The following DCAF11 variants were observed in gnomAD, a reference collection of about 807,000 sequenced individuals.
DCAF11 encodes the protein DDB1 and CUL4 associated factor 11.
A neutral mutation model predicts 76.1 loss-of-function variants in DCAF11; 44 were observed. The ratio of observed to expected loss-of-function variants is 0.58; its 90% CI spans 0.45 to 0.74. The LOEUF (loss-of-function observed/expected upper bound fraction) is 0.74, where lower values mean the gene tolerates loss of function less well. DCAF11 is among the 30% of genes least tolerant of loss of function. The probability of loss-of-function intolerance (pLI) is 0.00; values close to 1 mark genes in which losing one functional copy is unlikely to be tolerated. For missense variants in DCAF11, 604 were observed against 709.4 expected, an observed-to-expected ratio of 0.85 and a Z score of 1.69; for synonymous variants, 258 against 255.0, an observed-to-expected ratio of 1.01 and a Z score of -0.11.
intron 10 of DCAF11, 37 bp from the exon 11 acceptor site, chr14:24,119,674 G>C: frequency 2.5e-6 from 4 of 1,614,156 alleles, no homozygotes; most frequent in African/African-American, 2.7e-5. Context: ...ATAAGACCTA[G>C]AAAGAGGTCT....
In DCAF11 at chr14:24,122,899, A is replaced by G. The variant is rs971138098; in HGVS notation, c.1400-72A>G. 18 of 1,379,586 alleles carry G rather than the reference A, an allele frequency of 1.3e-5. 1 individual carries two copies. The Admixed American group carries it at 2.6e-4, about 20-fold the overall frequency. 85.5% of individuals were successfully genotyped at this position (1,379,586 alleles called of 1,614,324 possible). ...GCCTGAGAGGCAGGTCAGTGGTGCT[A>G]CTCATGGGGAGGTGAGGGATAGTTT... is the stretch of plus-strand genomic sequence containing the variant. On this transcript the variant is annotated intron_variant, in intron 13 of 14. Coordinates refer to ENST00000446197, the MANE Select transcript of DCAF11 (RefSeq NM_025230.5).
chr14:24,117,746 T>C lies in DCAF11; in HGVS notation c.476+14T>C, dbSNP rs199702514. The C allele has an allele frequency of 1.2e-6, 2 of 1,612,980 alleles. No homozygotes were observed. Among genetic ancestry groups the C allele is most frequent in the East Asian group, 2.2e-5 (1 of 44,836 alleles). On this transcript the variant is annotated intron_variant, in intron 5 of 14. Coordinates refer to ENST00000446197, the MANE Select transcript of DCAF11 (RefSeq NM_025230.5). The surrounding 1 kb of genome is among the most constrained non-coding windows in gnomAD (Gnocchi z 4.3). ...AGTGATATCTCAGTGAGTATGGGGCTTGGTGAAGAGACTCTAAGGGCCAGA... is the reference window on the plus strand; with the variant it reads ...AGTGATATCTCAGTGAGTATGGGGCCTGGTGAAGAGACTCTAAGGGCCAGA...
At position 24,117,285 on chromosome 14, in the gene DCAF11, C is replaced by T; in HGVS notation, c.303C>T (p.Thr101=). 3 of 1,614,176 alleles carry T rather than the reference C, an allele frequency of 1.9e-6. No individual in the cohort carries two copies. The highest frequency in any genetic ancestry group is 2.5e-6 in the Non-Finnish European group (3 of 1,180,028). ...YNPPVDATPD[T]RELEFNEIKT... Reference sequence around the variant, plus strand: ...TCACAGTGGATGCTACCCCTGACACCCGGGAGCTGGAATTCAATGAGATCA... The same window carrying T: ...TCACAGTGGATGCTACCCCTGACACTCGGGAGCTGGAATTCAATGAGATCA... Residue 101 remains threonine, a synonymous_variant, in exon 4 of 15, where the codon ACC becomes ACT. Coordinates refer to ENST00000446197, the MANE Select transcript of DCAF11 (RefSeq NM_025230.5). This position sits in a 1 kb window ranked among gnomAD's most constrained non-coding sequence, Gnocchi z 4.3.
chr14:24,120,723 G>C, intron 11 of DCAF11, 115 bp from the exon 12 acceptor site: 2 of 1,298,498 alleles, frequency 1.5e-6, no homozygotes, highest in Non-Finnish European at 2.1e-6. Flanking sequence ...GATGAAGAGA[G>C]GCAAGTAAAG....
rs1188455820 is a variant in DCAF11 at position 24,117,038 on chromosome 14, C to G, written c.277C>G (p.Pro93Ala). Residue 93 changes from proline to alanine, a missense_variant, in exon 3 of 15, where the codon CCA (proline) becomes GCA (alanine). Pro to Ala is a conservative substitution (Grantham distance 27). Coordinates refer to ENST00000446197, the MANE Select transcript of DCAF11 (RefSeq NM_025230.5). This position sits in a 1 kb window ranked among gnomAD's most constrained non-coding sequence, Gnocchi z 4.3. ...TGGTCGTCTTGGGGATCGATACAACCCACCTGGTAAGAGGAAAAGCCCCTA... is the reference window on the plus strand; with the variant it reads ...TGGTCGTCTTGGGGATCGATACAACGCACCTGGTAAGAGGAAAAGCCCCTA... ...WDGRLGDRYN[P>A]PVDATPDTRE... 5 of 1,614,030 alleles carry G rather than the reference C, an allele frequency of 3.1e-6. No homozygotes were observed. Among genetic ancestry groups the G allele is most frequent in the Middle Eastern group, 1.6e-4 (1 of 6,084 alleles).
chr14:24,120,514 C>G (rs1034244855), intron 11 of DCAF11, among the ~76,000 whole-genome samples: 8 of 152,008 alleles, frequency 5.3e-5, no homozygotes, highest in Admixed American at 5.2e-4. Context: ...CCGAGATCAC[C>G]CCACTACACT....
In DCAF11 at chr14:24,117,330, C is replaced by T; in HGVS notation, c.348C>T (p.Ala116=). The change falls in exon 4 of 15, where the codon GCC becomes GCT. Residue 116 remains alanine (A), a synonymous_variant. Coordinates refer to ENST00000446197, the MANE Select transcript of DCAF11 (RefSeq NM_025230.5). The surrounding 1 kb of genome is among the most constrained non-coding windows in gnomAD (Gnocchi z 4.3). The stretch of plus-strand genomic sequence containing the variant: ...AGATCAAGACACAAGTGGAACTGGC[C>T]ACAGGGCAGCTGGGGCTTAGGCGGG... ...FNEIKTQVEL[A]TGQLGLRRAA... 1 of 1,614,226 alleles carries T rather than the reference C, an allele frequency of 6.2e-7. No homozygotes were observed. The highest frequency in any genetic ancestry group is 8.5e-7 in the Non-Finnish European group (1 of 1,180,036).
At chr14:24,115,968 A>G (rs538853116) in intron 2 of DCAF11, among the ~76,000 whole-genome samples, 1 of 150,808 alleles carries the variant, frequency 6.6e-6, no homozygotes, top group East Asian at 2.0e-4. Context: ...GGACCTGCTC[A>G]TGTGTTTGAG....
In DCAF11 at chr14:24,117,835, T is replaced by A; in HGVS notation, c.476+103T>A. On this transcript the variant is annotated intron_variant, in intron 5 of 14. Coordinates refer to ENST00000446197, the MANE Select transcript of DCAF11 (RefSeq NM_025230.5). This position sits in a 1 kb window ranked among gnomAD's most constrained non-coding sequence, Gnocchi z 4.3. ...AAGGAGCCTCAGAGATATTAAAGGTTAGGTTAAATGGGGTTGAAACTTTGA... is the reference window on the plus strand; with the variant it reads ...AAGGAGCCTCAGAGATATTAAAGGTAAGGTTAAATGGGGTTGAAACTTTGA... 7.9e-7 allele frequency: 1 copy of A among 1,260,096 alleles called. No homozygotes were observed. The highest frequency in any genetic ancestry group is 1.1e-6 in the Non-Finnish European group (1 of 894,376). The allele number at this position is 1,260,096 out of a possible 1,614,324, so 78.1% of individuals were successfully genotyped here.
intron 12 of DCAF11, 88 bp from the exon 13 acceptor site, chr14:24,121,277 G>A: frequency 6.5e-7 from 1 of 1,531,474 alleles, no homozygotes; most frequent in Non-Finnish European, 8.9e-7. Context: ...ATTTGTCTCT[G>A]GGCATCGAAC....
chr14:24,115,459 G>A lies in DCAF11; in HGVS notation c.-136G>A, dbSNP rs1269408509. 12 of 1,288,648 alleles carry A rather than the reference G, an allele frequency of 9.3e-6. No individual in the cohort carries two copies. Among genetic ancestry groups the A allele is most frequent in the African/African-American group, 1.5e-5 (1 of 66,870 alleles). The allele number at this position is 1,288,648 out of a possible 1,614,324, so 79.8% of individuals were successfully genotyped here. ...AAAAGGGATCTCAGCCCCGAGGAAG[G>A]GTCACCCTCCTAGAGATAGCTACTA... On this transcript the variant is annotated 5_prime_UTR_variant, in exon 2 of 15. Transcript: ENST00000446197.
chr14:24,122,236 C>G (rs1594340973), intron 13 of DCAF11: 1 of 151,588 alleles, frequency 6.6e-6, no homozygotes, highest in Middle Eastern at 3.4e-3. Context: ...GCGGGCAGAT[C>G]ACCTGATGTC....
intron 11 of DCAF11, 53 bp downstream of exon 11, chr14:24,119,949 A>G: frequency 6.6e-7 from 1 of 1,520,336 alleles, no homozygotes; most frequent in Non-Finnish European, 8.8e-7. Flanking sequence ...CTAGTTGCCC[A>G]GGAGGGCATG....
At chr14:24,118,709 C>T in intron 7 of DCAF11, 41 bp from the exon 8 acceptor site, 1 of 1,610,204 alleles carries the variant, frequency 6.2e-7, no homozygotes, top group Non-Finnish European at 8.5e-7. Flanking sequence ...ACTCTTCTTC[C>T]CCCATCCCTG....
In DCAF11 at chr14:24,115,537, C is replaced by T. The variant is rs2037530729; in HGVS notation, c.-58C>T. ...TAGAGCACGCTTTGCTTTCACCAAA[C>T]CCAAGGAGGTGACAGGAGGAGCCCC... On this transcript the variant is annotated 5_prime_UTR_variant, in exon 2 of 15. Transcript: ENST00000446197. The T allele has an allele frequency of 4.5e-6, 7 of 1,552,570 alleles. No homozygotes were observed. The highest frequency in any genetic ancestry group is 2.7e-5 in the African/African-American group (2 of 72,954).
Position 24,120,873 on chromosome 14 carries a change from CCAGA to C in DCAF11, c.1130_1133del (p.Gln377ProfsTer43). On this transcript the variant is annotated frameshift_variant, in exon 12 of 15. Transcript: ENST00000446197. LOFTEE classifies it high-confidence loss of function. ...GGTATCTGATCTCCAACTCTAAAGA[CCAGA>C]CCATCAAACTCTGGGATATCCGACG... is the stretch of plus-strand genomic sequence containing the variant. 6.2e-7 allele frequency: 1 copy of C among 1,614,214 alleles called. No homozygotes were observed. The highest frequency in any genetic ancestry group is 8.5e-7 in the Non-Finnish European group (1 of 1,180,032).
chr14:24,115,449 C>T lies in DCAF11; in HGVS notation c.-146C>T. On this transcript the variant is annotated 5_prime_UTR_variant, in exon 2 of 15. Transcript: ENST00000446197. ...TAGGCTAAAGAAAAGGGATCTCAGC[C>T]CCGAGGAAGGGTCACCCTCCTAGAG... The T allele has an allele frequency of 8.4e-7, 1 of 1,192,732 alleles. No individual in the cohort carries two copies. Among genetic ancestry groups the T allele is most frequent in the Non-Finnish European group, 1.1e-6 (1 of 871,752 alleles). The allele number at this position is 1,192,732 out of a possible 1,614,324, so 73.9% of individuals were successfully genotyped here. A position where few individuals can be genotyped will look rare whatever the true frequency, so the allele number is the denominator to read the frequency against.
rs1484517522 is a variant in DCAF11, at chr14:24,124,795, A to T, written c.*1486A>T. The T allele has an allele frequency of 2.6e-5, 4 of 152,238 alleles. No individual in the cohort carries two copies. Among genetic ancestry groups the T allele is most frequent in the African/African-American group, 7.2e-5 (3 of 41,460 alleles). 9.4% of individuals were successfully genotyped at this position (152,238 alleles called of 1,614,324 possible). On this transcript the variant is annotated 3_prime_UTR_variant, in exon 15 of 15. Transcript: ENST00000446197. ...GGTGGTTCACACCTGTAATCCCGGCATTTTGGGAGGCCGAGATAGGTGGAT... is the reference window on the plus strand; with the variant it reads ...GGTGGTTCACACCTGTAATCCCGGCTTTTTGGGAGGCCGAGATAGGTGGAT...
chr14:24,121,393 C>T lies in DCAF11; in HGVS notation c.1275C>T (p.Asp425=), dbSNP rs762653241. 7 of 1,614,224 alleles carry T rather than the reference C, an allele frequency of 4.3e-6. No individual in the cohort carries two copies. In the South Asian group the frequency reaches 6.6e-5, roughly 15 times the overall value. Residue 425 remains aspartate, a synonymous_variant, in exon 13 of 15, where the codon GAC becomes GAT. Coordinates refer to ENST00000446197, the MANE Select transcript of DCAF11 (RefSeq NM_025230.5). ...KAWRKLKLPG[D]SSLMTYRGHG... ...GGCGGAAGCTGAAGCTCCCAGGGGA[C>T]AGCTCCTTGATGACCTACCGGGGCC... is the stretch of plus-strand genomic sequence containing the variant.
Sources: allele counts gnomAD v4.1 joint callset (sites outside exome capture counted in the v4.1 genomes callset), GRCh38; gene constraint gnomAD v4.1.1; non-coding constraint Gnocchi (gnomAD v3.1); transcripts MANE v1.5; gene names NCBI Gene and HGNC (gene_info 2026-07-23, HGNC 2026-07-21).